Variants in ZNF469 observed in about 807,000 individuals in gnomAD.
ZNF469 encodes zinc finger protein 469.
Under a neutral mutation model 1.0 loss-of-function variants are expected in ZNF469, and 1 was observed. The observed-to-expected ratio is 1.00, with a 90% confidence interval of 0.35 to 4.73. The LOEUF (loss-of-function observed/expected upper bound fraction) is 4.73. Ranked by LOEUF, ZNF469 falls within the 30% of genes most tolerant of loss-of-function variation. ZNF469 has a pLI of 0.16. For synonymous variants in ZNF469, 2,703 were observed against 2,363.4 expected, an observed-to-expected ratio of 1.14 and a Z score of -4.17; for missense variants, 6,100 against 5,356.3, an observed-to-expected ratio of 1.14 and a Z score of -4.33.
chr16:88,413,169 C>T (rs1382765530), intron 1 of ZNF469, among the ~76,000 whole-genome samples: 8 of 152,226 alleles, frequency 5.3e-5, no homozygotes, highest in African/African-American at 4.8e-5. Context: ...TCTGGGTCCC[C>T]GCACGCACGT....
At chr16:88,391,225 A>G (rs1904483349) in intron 1 of ZNF469, among the ~76,000 whole-genome samples, 1 of 152,274 alleles carries the variant, frequency 6.6e-6, no homozygotes. Context: ...GAGGCAGCAC[A>G]GGGCACCATG....
At chr16:88,313,785 G>T in the ZNF469 span, among the ~76,000 whole-genome samples, 1 of 151,200 alleles carries the variant, frequency 6.6e-6, no homozygotes, top group Non-Finnish European at 1.5e-5. Flanking sequence ...TGTAATTCAG[G>T]CAGTGCTGCT....
the ZNF469 span, among the ~76,000 whole-genome samples, chr16:88,370,683 T>C: frequency 2.1e-4 from 32 of 152,158 alleles, 1 homozygote; most frequent in Admixed American, 2.0e-3. Flanking sequence ...GACCGCAAAC[T>C]GGGCAAGTGA....
chr16:88,370,043 G>A, the ZNF469 span, among the ~76,000 whole-genome samples: 1 of 152,234 alleles, frequency 6.6e-6, no homozygotes, highest in African/African-American at 2.4e-5. Flanking sequence ...AACCCAAACA[G>A]GGAAATTTCA....
chr16:88,397,452 A>T (rs1254911768), intron 1 of ZNF469, among the ~76,000 whole-genome samples: 1 of 148,472 alleles, frequency 6.7e-6, no homozygotes, highest in African/African-American at 2.5e-5. Context: ...AGGCTGGCTA[A>T]AGGAGATCGA....
At chr16:88,216,407 T>C in the ZNF469 span, among the ~76,000 whole-genome samples, 6 of 151,700 alleles carry the variant, frequency 4.0e-5, no homozygotes. Context: ...GGCAGGAGAA[T>C]TGCGTGAACC....
chr16:88,435,151 G>T lies in ZNF469; in HGVS notation c.7681G>T (p.Val2561Phe). The change falls in exon 3 of 3, where the codon GTT becomes TTT. Residue 2561 changes from valine (V) to phenylalanine (F), a missense_variant. Coordinates refer to ENST00000565624, the MANE Select transcript of ZNF469 (RefSeq NM_001367624.2). ...ACCGCCTGCCCAGGGCTCAAAGGAG[G>T]TTCTCAGAGCACCGGGGTCCCCACA... is the stretch of plus-strand genomic sequence containing the variant. ...QPPPAQGSKEVLRAPGSPHSQ... is the reference protein window; with the variant it reads ...QPPPAQGSKEFLRAPGSPHSQ... 3 of 1,550,356 alleles carry T rather than the reference G, an allele frequency of 1.9e-6. No homozygotes were observed. Among genetic ancestry groups the T allele is most frequent in the Non-Finnish European group, 2.6e-6 (3 of 1,146,972 alleles).
At chr16:88,158,383 A>C in the ZNF469 span, among the ~76,000 whole-genome samples, 1 of 151,710 alleles carries the variant, frequency 6.6e-6, no homozygotes, top group African/African-American at 2.4e-5. Flanking sequence ...TTGCAGCCCC[A>C]CCCACCCCGA....
the ZNF469 span, among the ~76,000 whole-genome samples, chr16:88,334,397 G>A: frequency 6.6e-6 from 1 of 152,136 alleles, no homozygotes; most frequent in South Asian, 2.1e-4. Flanking sequence ...TTTGCCTTAC[G>A]CTGACCAGTT....
chr16:88,360,977 C>A, the ZNF469 span, among the ~76,000 whole-genome samples: 1 of 152,304 alleles, frequency 6.6e-6, no homozygotes, highest in East Asian at 1.9e-4. Flanking sequence ...CACATTATTT[C>A]TATTATTATT....
chr16:88,224,618 C>T, the ZNF469 span, among the ~76,000 whole-genome samples: 1 of 152,206 alleles, frequency 6.6e-6, no homozygotes, highest in Non-Finnish European at 1.5e-5. Context: ...TGACACGCAG[C>T]AGGAGGGCGT....
At chr16:88,257,202 G>A in the ZNF469 span, among the ~76,000 whole-genome samples, 1 of 150,284 alleles carries the variant, frequency 6.7e-6, no homozygotes, top group Non-Finnish European at 1.5e-5. Flanking sequence ...GACCTCAGGT[G>A]ATCTGCCTGC....
chr16:88,376,430 C>T, the ZNF469 span, among the ~76,000 whole-genome samples: 11 of 152,178 alleles, frequency 7.2e-5, no homozygotes, highest in Admixed American at 7.2e-4. Flanking sequence ...GCCGCTGTCC[C>T]TCTCCTCGCC....
chr16:88,114,218 TC>T, the ZNF469 span, among the ~76,000 whole-genome samples: 1 of 146,142 alleles, frequency 6.8e-6, no homozygotes, highest in Non-Finnish European at 1.5e-5. Context: ...TGCGGGGGTC[TC>T]CGGGGAGAAT....
Position 88,438,275 on chromosome 16 carries a change from C to A in ZNF469, c.10805C>A (p.Pro3602Gln). ...QQALPLGASL[P>Q]RPGARGQDAE... is the part of the protein sequence containing the mutation. ...GCTCTCCCTCTGGGGGCATCTCTGC[C>A]GCGGCCGGGAGCCAGAGGCCAAGAT... The change falls in exon 3 of 3, where the codon CCG becomes CAG. Residue 3602 changes from proline (P) to glutamine (Q), a missense_variant. Coordinates refer to ENST00000565624, the MANE Select transcript of ZNF469 (RefSeq NM_001367624.2). 1 of 1,548,224 alleles carries A rather than the reference C, an allele frequency of 6.5e-7. No homozygotes were observed. Among genetic ancestry groups the A allele is most frequent in the Non-Finnish European group, 8.7e-7 (1 of 1,145,490 alleles).
chr16:88,357,811 G>A, the ZNF469 span, among the ~76,000 whole-genome samples: 2 of 152,266 alleles, frequency 1.3e-5, no homozygotes, highest in African/African-American at 4.8e-5. Context: ...CCAAACTGTG[G>A]TTGTTATTAA....
the ZNF469 span, among the ~76,000 whole-genome samples, chr16:88,153,453 A>T: frequency 1.3e-5 from 2 of 152,252 alleles, no homozygotes; most frequent in African/African-American, 4.8e-5. Context: ...GTGGCTGGGA[A>T]AATAAGGTAG....
At chr16:88,309,179 G>T in the ZNF469 span, among the ~76,000 whole-genome samples, 1 of 152,226 alleles carries the variant, frequency 6.6e-6, no homozygotes, top group African/African-American at 2.4e-5. Context: ...TAAGGCTGAT[G>T]CTCACCTCTC....
At chr16:88,171,211 G>T in the ZNF469 span, among the ~76,000 whole-genome samples, 7 of 152,190 alleles carry the variant, frequency 4.6e-5, no homozygotes, top group Non-Finnish European at 1.0e-4. Flanking sequence ...TGATGTTTGG[G>T]AATCCCTGAA....
Sources: gnomAD v4.1 joint callset for allele counts (sites outside exome capture counted in the v4.1 genomes callset) on GRCh38, gnomAD v4.1.1 for gene constraint, MANE v1.5 for transcripts, NCBI Gene and HGNC (gene_info 2026-07-23, HGNC 2026-07-21) for gene names.